Variants in BLTP2 observed in about 807,000 individuals in gnomAD.
The protein encoded by BLTP2 is U937-associated antigen.
At chr17:28,617,054 C>G in the BLTP2 span, 1 of 1,382,154 alleles carries the variant, frequency 7.2e-7, no homozygotes, top group African/African-American at 1.4e-5. Context: ...TGCCATAAAG[C>G]AACCCACAAA....
At chr17:28,642,582 C>T in the BLTP2 span, 6 of 561,066 alleles carry the variant, frequency 1.1e-5, no homozygotes, top group Admixed American at 3.1e-5. Flanking sequence ...ACCCAGGAGG[C>T]GGAGCTTGCA....
At chr17:28,643,415 A>C in the BLTP2 span, 6 of 1,492,402 alleles carry the variant, frequency 4.0e-6, no homozygotes, top group Non-Finnish European at 5.6e-6. Context: ...AATATAGCTC[A>C]AATCACAGAG....
At chr17:28,628,179 A>G in the BLTP2 span, 1 of 1,166,522 alleles carries the variant, frequency 8.6e-7, no homozygotes, top group Non-Finnish European at 1.2e-6. Flanking sequence ...TAGAAGCACC[A>G]TGACTCAGTC....
chr17:28,634,394 C>G, the BLTP2 span: 37 of 564,538 alleles, frequency 6.6e-5, no homozygotes, highest in Non-Finnish European at 8.8e-5. Context: ...GCCCACCCAT[C>G]CCACTCCACC....
At chr17:28,620,907 A>T in the BLTP2 span, 1 of 1,316,434 alleles carries the variant, frequency 7.6e-7, no homozygotes, top group Non-Finnish European at 1.1e-6. Context: ...TAATAACTCT[A>T]CTGTCTCAAA....
At chr17:28,634,473 A>G in the BLTP2 span, 1 of 1,568,256 alleles carries the variant, frequency 6.4e-7, no homozygotes, top group Non-Finnish European at 8.6e-7. Flanking sequence ...CCCAGAGCTC[A>G]GCGGGCAAAC....
the BLTP2 span, among the ~76,000 whole-genome samples, chr17:28,625,334 CAAAAAAAAAAAAAAA>C: frequency 1.4e-4 from 4 of 29,064 alleles, no homozygotes; most frequent in Non-Finnish European, 2.6e-4. Flanking sequence ...GACTCCGTCT[CAAAAAAAAAAAAAAA>C]AAAAAAAAAG....
At chr17:28,620,440 C>A in the BLTP2 span, 1 of 1,568,178 alleles carries the variant, frequency 6.4e-7, no homozygotes. Context: ...GTTACAGAAG[C>A]CCAAATAAAG....
the BLTP2 span, among the ~76,000 whole-genome samples, chr17:28,631,018 A>G: frequency 1.3e-5 from 2 of 152,222 alleles, no homozygotes; most frequent in African/African-American, 2.4e-5. Context: ...CTTGGAATAT[A>G]TGAGAAACCT....
the BLTP2 span, chr17:28,638,241 C>A: frequency 6.2e-7 from 1 of 1,609,140 alleles, no homozygotes; most frequent in Middle Eastern, 2.2e-4. Context: ...TTCACCAAAG[C>A]CCTCACCTAC....
chr17:28,631,777 CA>C, the BLTP2 span: 9 of 1,606,176 alleles, frequency 5.6e-6, no homozygotes, highest in Non-Finnish European at 6.8e-6. Context: ...AAGGGAAAAA[CA>C]AGGAACAGGA....
At chr17:28,616,156 G>A in the BLTP2 span, 1 of 1,614,158 alleles carries the variant, frequency 6.2e-7, no homozygotes, top group Non-Finnish European at 8.5e-7. This position sits in a 1 kb window ranked among gnomAD's most constrained non-coding sequence, Gnocchi z 4.8. Context: ...AGTTGTTCAT[G>A]GCAGCTCGCT....
the BLTP2 span, chr17:28,644,096 T>A: frequency 6.2e-7 from 1 of 1,614,190 alleles, no homozygotes; most frequent in Non-Finnish European, 8.5e-7. Flanking sequence ...AGACTGACAT[T>A]CTGGATCCAA....
At chr17:28,641,006 C>A in the BLTP2 span, among the ~76,000 whole-genome samples, 1 of 152,240 alleles carries the variant, frequency 6.6e-6, no homozygotes, top group African/African-American at 2.4e-5. Flanking sequence ...CCTTCCTAGG[C>A]TTCAGTTTCC....
the BLTP2 span, chr17:28,628,353 T>A: frequency 6.2e-7 from 1 of 1,614,226 alleles, no homozygotes; most frequent in Admixed American, 1.7e-5. Flanking sequence ...CACCCCGCTT[T>A]GGCTTTTTGG....
At chr17:28,617,221 A>G in the BLTP2 span, 1 of 1,609,914 alleles carries the variant, frequency 6.2e-7, no homozygotes, top group African/African-American at 1.3e-5. Flanking sequence ...GAAAGGGGAA[A>G]AAAGACTTGC....
At chr17:28,619,023 G>T in the BLTP2 span, 1 of 1,492,264 alleles carries the variant, frequency 6.7e-7, no homozygotes, top group Middle Eastern at 2.0e-4. Flanking sequence ...CACATGGGTT[G>T]GGGGTGGGAT....
the BLTP2 span, chr17:28,634,110 A>C: frequency 1.9e-6 from 3 of 1,606,662 alleles, no homozygotes; most frequent in Non-Finnish European, 2.6e-6. Flanking sequence ...AAGGGTACAC[A>C]CTGGCTACTC....
the BLTP2 span, chr17:28,636,879 G>T: frequency 5.4e-6 from 6 of 1,102,310 alleles, no homozygotes; most frequent in Admixed American, 2.1e-5. Context: ...TTTGGGAAAA[G>T]ACAAGAAAAA....
Sources: allele counts gnomAD v4.1 joint callset (sites outside exome capture counted in the v4.1 genomes callset), GRCh38; gene constraint gnomAD v4.1.1; non-coding constraint Gnocchi (gnomAD v3.1); transcripts MANE v1.5; gene names NCBI Gene and HGNC (gene_info 2026-07-23, HGNC 2026-07-21).